The following SHISAL1 variants were observed in gnomAD, a reference collection of about 807,000 sequenced individuals.
SHISAL1 encodes the protein protein shisa-like-1.
SHISAL1 carries 9 observed loss-of-function variants against 22.6 expected under a neutral mutation model. The observed-to-expected ratio is 0.40, with a 90% confidence interval of 0.24 to 0.70. The LOEUF is 0.70. SHISAL1 is among the 30% of genes least tolerant of loss of function. SHISAL1 has a pLI of 0.39. For synonymous variants in SHISAL1, 119 were observed against 115.4 expected (o/e 1.03, Z -0.20); for missense variants, 246 against 270.6 (o/e 0.91, Z 0.64).
At position 44,245,027 on chromosome 22, in the gene SHISAL1, G is replaced by T. The variant is rs1423961942; in HGVS notation, c.*4658C>A. 6 of 152,334 alleles carry T rather than the reference G, an allele frequency of 3.9e-5. No individual in the cohort carries two copies. The highest frequency in any genetic ancestry group is 3.3e-4 in the Admixed American group (5 of 15,290). 9.4% of individuals were successfully genotyped at this position (152,334 alleles called of 1,614,324 possible). ...CCAGAGGGCACAGGGTATGGCCCCA[G>T]CCCAGTGAGGTATTCCTGGACTGCA... is the stretch of plus-strand genomic sequence containing the variant. On this transcript the variant is annotated 3_prime_UTR_variant, in exon 5 of 5. Coordinates refer to ENST00000381176, the MANE Select transcript of SHISAL1 (RefSeq NM_001099294.2).
chr22:44,291,946 C>A (rs1044455344), intron 3 of SHISAL1, among the ~76,000 whole-genome samples: 3 of 152,140 alleles, frequency 2.0e-5, no homozygotes, highest in African/African-American at 7.2e-5. Flanking sequence ...AGGGCCCCTG[C>A]CCCACCCCTC....
rs566527195 is a variant in SHISAL1 at position 44,247,835 on chromosome 22, C to T, written c.*1850G>A. On this transcript the variant is annotated 3_prime_UTR_variant, in exon 5 of 5. Transcript: ENST00000381176. ...AGAGCCCAGAGCTGGGCACTATCAC[C>T]CTCATCTCCTTCTGCCTTCCCTCTG... 6.6e-6 allele frequency: 1 copy of T among 151,118 alleles called. No individual in the cohort carries two copies. The highest frequency in any genetic ancestry group is 2.4e-5 in the African/African-American group (1 of 41,020). 9.4% of individuals were successfully genotyped at this position (151,118 alleles called of 1,614,324 possible).
the SHISAL1 span, among the ~76,000 whole-genome samples, chr22:44,320,001 G>A: frequency 6.6e-6 from 1 of 152,192 alleles, no homozygotes; most frequent in African/African-American, 2.4e-5. Context: ...ATGTGACTGT[G>A]AATGGGTCAC....
At chr22:44,250,054 A>G (rs1383362330) in intron 4 of SHISAL1, among the ~76,000 whole-genome samples, 1 of 152,244 alleles carries the variant, frequency 6.6e-6, no homozygotes, top group Admixed American at 6.5e-5. Flanking sequence ...GTCAACCTAT[A>G]AGACATCAGA....
chr22:44,250,777 C>T (rs537004211), intron 4 of SHISAL1, among the ~76,000 whole-genome samples: 1 of 152,340 alleles, frequency 6.6e-6, no homozygotes, highest in East Asian at 1.9e-4. Context: ...CCCTGAACTA[C>T]CCCCTTCATA....
chr22:44,263,138 T>C (rs1337752999), intron 4 of SHISAL1, among the ~76,000 whole-genome samples: 1 of 141,472 alleles, frequency 7.1e-6, no homozygotes, highest in Non-Finnish European at 1.5e-5. Context: ...TAGCGCAATC[T>C]TGGCTCACTG....
chr22:44,311,887 A>G (rs940200962), intron 1 of SHISAL1, among the ~76,000 whole-genome samples: 5 of 152,214 alleles, frequency 3.3e-5, no homozygotes, highest in African/African-American at 1.2e-4. Context: ...ATTTGGTTGC[A>G]CCATGGAGAT....
At chr22:44,250,346 AAAG>A (rs1453913593) in intron 4 of SHISAL1, among the ~76,000 whole-genome samples, 1 of 152,238 alleles carries the variant, frequency 6.6e-6, no homozygotes, top group African/African-American at 2.4e-5. Flanking sequence ...ACAAAGCTAT[AAAG>A]AAGAGACCAA....
intron 4 of SHISAL1, among the ~76,000 whole-genome samples, chr22:44,269,940 CCT>C (rs1215822649): frequency 2.6e-5 from 4 of 152,186 alleles, no homozygotes; most frequent in Non-Finnish European, 5.9e-5. Context: ...TTGGGTCAGA[CCT>C]CTGAGTTGTC....
chr22:44,305,698 C>A lies in SHISAL1; in HGVS notation c.-32-4721G>T, dbSNP rs185048192. On this transcript the variant is annotated intron_variant, in intron 1 of 4. Transcript: ENST00000381176. ...TCCCTGCCACAGCACGCTGTGGTTG[C>A]GCTGGTCCCACGTCCAGCCTGGGCT... Among the ~76,000 whole-genome samples the A allele has an allele frequency of 7.2e-5, 11 of 152,340 alleles. No homozygotes were observed. The East Asian group carries it at 1.9e-3, about 27-fold the overall frequency.
chr22:44,270,875 C>T (rs964585970), intron 4 of SHISAL1, among the ~76,000 whole-genome samples: 7 of 152,214 alleles, frequency 4.6e-5, no homozygotes, highest in African/African-American at 1.7e-4. Flanking sequence ...GAGCCCAGAG[C>T]AGCCAGGCTG....
In SHISAL1 at chr22:44,248,973, G is replaced by A. The variant is rs777527726; in HGVS notation, c.*712C>T. The stretch of plus-strand genomic sequence containing the variant: ...TGCCCTGTGGTCAGCCTGAGATGCA[G>A]CCCTTAGTATTACTATTGTTACAGG... On this transcript the variant is annotated 3_prime_UTR_variant, in exon 5 of 5. Transcript: ENST00000381176. 1.3e-5 allele frequency: 2 copies of A among 152,134 alleles called. No homozygotes were observed. The highest frequency in any genetic ancestry group is 2.4e-5 in the African/African-American group (1 of 41,406). 9.4% of individuals were successfully genotyped at this position (152,134 alleles called of 1,614,324 possible).
intron 4 of SHISAL1, among the ~76,000 whole-genome samples, chr22:44,276,393 T>C (rs1569214822): frequency 6.6e-6 from 1 of 152,000 alleles, no homozygotes; most frequent in Non-Finnish European, 1.5e-5. Flanking sequence ...AGGAAAGCAT[T>C]TTGATTCCTA....
intron 1 of SHISAL1, among the ~76,000 whole-genome samples, chr22:44,302,327 G>T (rs1445614605): frequency 7.4e-6 from 1 of 135,230 alleles, no homozygotes; most frequent in Non-Finnish European, 1.6e-5. Flanking sequence ...GCGACAGAGC[G>T]AGACTCCGTC....
intron 3 of SHISAL1, among the ~76,000 whole-genome samples, chr22:44,290,032 C>T (rs908021422): frequency 6.6e-6 from 1 of 152,206 alleles, no homozygotes; most frequent in Non-Finnish European, 1.5e-5. Flanking sequence ...TCTCACTGAA[C>T]GTCTTCCCGG....
the SHISAL1 span, among the ~76,000 whole-genome samples, chr22:44,325,428 A>G: frequency 2.6e-5 from 4 of 152,020 alleles, no homozygotes; most frequent in African/African-American, 9.7e-5. Context: ...CATCACCGGG[A>G]CCCAGGTCTT....
At chr22:44,280,087 A>C (rs921555803) in intron 4 of SHISAL1, among the ~76,000 whole-genome samples, 1 of 152,026 alleles carries the variant, frequency 6.6e-6, no homozygotes, top group Non-Finnish European at 1.5e-5. Flanking sequence ...CCCCATCCCC[A>C]CTCAGGCCCC....
the SHISAL1 span, among the ~76,000 whole-genome samples, chr22:44,330,789 C>G: frequency 6.6e-6 from 1 of 152,172 alleles, no homozygotes; most frequent in South Asian, 2.1e-4. Context: ...AATGAGCTTC[C>G]GAGGCTGCCG....
intron 4 of SHISAL1, among the ~76,000 whole-genome samples, chr22:44,261,148 C>CTT (rs1443807151): frequency 8.0e-6 from 1 of 124,992 alleles, no homozygotes; most frequent in Non-Finnish European, 1.7e-5. Flanking sequence ...AAATCAATGA[C>CTT]TTTTAAAAAA....
Sources: gnomAD v4.1 joint callset for allele counts (sites outside exome capture counted in the v4.1 genomes callset) on GRCh38, gnomAD v4.1.1 for gene constraint, MANE v1.5 for transcripts, NCBI Gene and HGNC (gene_info 2026-07-23, HGNC 2026-07-21) for gene names.